The following TMCC1 variants were observed in gnomAD, a reference collection of about 807,000 sequenced individuals.
TMCC1 encodes transmembrane and coiled-coil domains protein 1.
A neutral mutation model predicts 52.4 loss-of-function variants in TMCC1; 15 were observed. That is an observed-to-expected ratio of 0.29 (90% CI 0.19 to 0.44). The LOEUF is 0.44. TMCC1 is among the 20% of genes least tolerant of loss of function. The pLI is 1.00. For missense variants in TMCC1, 503 were observed against 806.0 expected (o/e 0.62, Z 4.55); for synonymous variants, 279 against 301.9 (o/e 0.92, Z 0.79).
chr3:129,744,245 A>G (rs1467735552), intron 4 of TMCC1, among the ~76,000 whole-genome samples: 1 of 152,220 alleles, frequency 6.6e-6, no homozygotes, highest in African/African-American at 2.4e-5. Context: ...GATGTCAAAA[A>G]GATTGGTTGT....
chr3:129,811,966 AG>A, intron 4 of TMCC1, among the ~76,000 whole-genome samples: 1 of 151,526 alleles, frequency 6.6e-6, no homozygotes, highest in Non-Finnish European at 1.5e-5. Context: ...AAAAAAAGAA[AG>A]AAAGAAATCA....
chr3:129,651,394 G>T lies in TMCC1; in HGVS notation c.*87C>A, dbSNP rs2086311111. ...TTCACTCAACTCTTTTTTTGTTGTA[G>T]AAAACTTCAGAGTAGGTAAGTTGCT... On this transcript the variant is annotated 3_prime_UTR_variant, in exon 7 of 7. Transcript: ENST00000393238. The surrounding 1 kb of genome is among the most constrained non-coding windows in gnomAD (Gnocchi z 5.1). 7.2e-7 allele frequency: 1 copy of T among 1,390,396 alleles called. No individual in the cohort carries two copies. Among genetic ancestry groups the T allele is most frequent in the Non-Finnish European group, 9.8e-7 (1 of 1,024,336 alleles). The allele number at this position is 1,390,396 out of a possible 1,614,324, so 86.1% of individuals were successfully genotyped here. A position where few individuals can be genotyped will look rare whatever the true frequency, so the allele number is the denominator to read the frequency against.
At chr3:129,761,121 C>A (rs1202398078) in intron 4 of TMCC1, among the ~76,000 whole-genome samples, 2 of 151,130 alleles carry the variant, frequency 1.3e-5, no homozygotes, top group African/African-American at 4.9e-5. Flanking sequence ...GTCGGGGGAT[C>A]GAGACCATCC....
chr3:129,781,082 C>G (rs1185272176), intron 4 of TMCC1, among the ~76,000 whole-genome samples: 1 of 152,112 alleles, frequency 6.6e-6, no homozygotes, highest in Non-Finnish European at 1.5e-5. Flanking sequence ...TAGGCAAAAC[C>G]TCTTACCACA....
At chr3:129,817,393 G>A (rs1267439822) in intron 4 of TMCC1, among the ~76,000 whole-genome samples, 2 of 152,096 alleles carry the variant, frequency 1.3e-5, no homozygotes, top group Non-Finnish European at 2.9e-5. Flanking sequence ...AGGCTGCAGT[G>A]AGCCGTGATC....
At chr3:129,766,276 C>CA (rs1476174815) in intron 4 of TMCC1, among the ~76,000 whole-genome samples, 1 of 152,180 alleles carries the variant, frequency 6.6e-6, no homozygotes. Context: ...AAGGAGACAG[C>CA]AACGCCCTGA....
chr3:129,854,749 T>C (rs2060076498), intron 2 of TMCC1, among the ~76,000 whole-genome samples: 1 of 152,232 alleles, frequency 6.6e-6, no homozygotes. Context: ...GTATCATTTC[T>C]TGAGGATGCC....
intron 2 of TMCC1, among the ~76,000 whole-genome samples, chr3:129,842,033 C>T (rs2059443151): frequency 6.6e-6 from 1 of 152,118 alleles, no homozygotes; most frequent in Admixed American, 6.5e-5. Flanking sequence ...GAAGACATAA[C>T]AATTCTAAAT....
At chr3:129,874,261 C>T (rs1269717018) in intron 2 of TMCC1, among the ~76,000 whole-genome samples, 2 of 152,204 alleles carry the variant, frequency 1.3e-5, no homozygotes, top group Non-Finnish European at 2.9e-5. Context: ...TGACTCAAAG[C>T]TGTTATTTCT....
At chr3:129,760,071 G>T (rs1254266761) in intron 4 of TMCC1, among the ~76,000 whole-genome samples, 1 of 151,264 alleles carries the variant, frequency 6.6e-6, no homozygotes, top group East Asian at 1.9e-4. Context: ...ATAGTTTAAG[G>T]TTTACAGAAA....
chr3:129,796,321 G>A (rs1455307117), intron 4 of TMCC1, among the ~76,000 whole-genome samples: 2 of 152,104 alleles, frequency 1.3e-5, no homozygotes, highest in Non-Finnish European at 1.5e-5. Context: ...GACACTCTAC[G>A]ATGTTCTCAC....
chr3:129,796,938 G>A (rs114787405), intron 4 of TMCC1, among the ~76,000 whole-genome samples: 223 of 152,244 alleles, frequency 1.5e-3, no homozygotes, highest in Non-Finnish European at 2.6e-3. Flanking sequence ...TGAAAAGACA[G>A]GTTTCTATGC....
intron 1 of TMCC1, among the ~76,000 whole-genome samples, chr3:129,884,309 A>G (rs1271656362): frequency 6.6e-6 from 1 of 152,188 alleles, no homozygotes; most frequent in Non-Finnish European, 1.5e-5. Flanking sequence ...CATTTACATT[A>G]TTAAAATAAA....
In TMCC1 at chr3:129,724,849, G is replaced by A. The variant is rs568105071; in HGVS notation, c.577-53585C>T. Among the ~76,000 whole-genome samples the A allele has an allele frequency of 5.9e-5, 9 of 152,222 alleles. No individual in the cohort carries two copies. The South Asian group carries it at 1.9e-3, about 32-fold the overall frequency. On this transcript the variant is annotated intron_variant, in intron 4 of 6. Coordinates refer to ENST00000393238, the MANE Select transcript of TMCC1 (RefSeq NM_001017395.5). ...TTTAGCCAGGAAACACAAGACAATG[G>A]AGATAAAAGAAAACTGTACTACAGC... is the stretch of plus-strand genomic sequence containing the variant.
chr3:129,776,543 G>T (rs762585424), intron 4 of TMCC1, among the ~76,000 whole-genome samples: 4 of 152,178 alleles, frequency 2.6e-5, no homozygotes, highest in Non-Finnish European at 5.9e-5. Context: ...CAGAAGAGGG[G>T]CACCCAAATA....
intron 4 of TMCC1, among the ~76,000 whole-genome samples, chr3:129,674,049 G>A (rs2088190363): frequency 1.3e-5 from 2 of 152,160 alleles, no homozygotes; most frequent in Non-Finnish European, 2.9e-5. Context: ...GTACAGGTTT[G>A]TAGCCTAGAA....
At chr3:129,757,228 G>A (rs972819729) in intron 4 of TMCC1, among the ~76,000 whole-genome samples, 2 of 152,210 alleles carry the variant, frequency 1.3e-5, no homozygotes, top group African/African-American at 4.8e-5. Context: ...TAATGCCCAT[G>A]AACCTTAATA....
intron 4 of TMCC1, among the ~76,000 whole-genome samples, chr3:129,784,528 T>C (rs536050312): frequency 2.0e-5 from 3 of 150,234 alleles, no homozygotes; most frequent in African/African-American, 7.4e-5. Context: ...ATCGCGCCAC[T>C]GCACTCCAGC....
intron 2 of TMCC1, among the ~76,000 whole-genome samples, chr3:129,871,926 G>T (rs919781171): frequency 2.0e-5 from 3 of 152,154 alleles, no homozygotes; most frequent in African/African-American, 7.2e-5. Context: ...TTACCTATCA[G>T]ATTGGCAAAG....
Sources: allele counts gnomAD v4.1 joint callset (sites outside exome capture counted in the v4.1 genomes callset), GRCh38; gene constraint gnomAD v4.1.1; non-coding constraint Gnocchi (gnomAD v3.1); transcripts MANE v1.5; gene names NCBI Gene and HGNC (gene_info 2026-07-23, HGNC 2026-07-21).